Variants in CAMKMT observed in about 807,000 individuals in gnomAD.
The protein encoded by CAMKMT is CaM KMT.
A neutral mutation model predicts 48.0 loss-of-function variants in CAMKMT; 53 were observed. The observed-to-expected ratio is 1.10, with a 90% confidence interval of 0.89 to 1.39. The LOEUF (loss-of-function observed/expected upper bound fraction) is 1.39, where lower values mean the gene tolerates loss of function less well. Among genes scored for constraint, CAMKMT ranks in the 40% most tolerant of loss-of-function variants. CAMKMT has a pLI of 0.00. For missense variants in CAMKMT, 428 were observed against 402.7 expected (o/e 1.06, Z -0.54); for synonymous variants, 165 against 152.3 (o/e 1.08, Z -0.61).
In CAMKMT at chr2:44,528,165, GTC is replaced by G. The variant is rs1320545194; in HGVS notation, c.376+137861_376+137862del. ...TGTCCCTTTCTTTCTTTTGTTGATT[GTC>G]ATAAATATAAGCATTTTTTTTCTTT... is the stretch of plus-strand genomic sequence containing the variant. On this transcript the variant is annotated intron_variant, in intron 3 of 10. Transcript: ENST00000378494. Among the ~76,000 whole-genome samples, 12 of 152,102 alleles carry G rather than the reference GTC, an allele frequency of 7.9e-5. No homozygotes were observed. In the East Asian group the frequency reaches 2.3e-3, roughly 29 times the overall value.
At chr2:44,569,266 A>G (rs980071452) in intron 3 of CAMKMT, among the ~76,000 whole-genome samples, 4 of 152,162 alleles carry the variant, frequency 2.6e-5, no homozygotes, top group South Asian at 2.1e-4. Flanking sequence ...GTTACTTGCA[A>G]TATTTCTGCT....
At chr2:44,577,680 A>AGAGG (rs1669304031) in intron 3 of CAMKMT, among the ~76,000 whole-genome samples, 1 of 148,556 alleles carries the variant, frequency 6.7e-6, no homozygotes, top group Non-Finnish European at 1.5e-5. Flanking sequence ...AGAGGGAGAC[A>AGAGG]GAGAGGGAGA....
intron 3 of CAMKMT, among the ~76,000 whole-genome samples, chr2:44,645,914 G>A (rs1338801497): frequency 2.0e-5 from 3 of 152,184 alleles, no homozygotes; most frequent in Non-Finnish European, 2.9e-5. Flanking sequence ...GTGTCCTACT[G>A]AAGGGCCAGA....
chr2:44,610,256 A>G (rs549212168), intron 3 of CAMKMT, among the ~76,000 whole-genome samples: 1 of 152,326 alleles, frequency 6.6e-6, no homozygotes, highest in South Asian at 2.1e-4. Flanking sequence ...TAGTCTATTA[A>G]TAGTTGAAGA....
intron 3 of CAMKMT, among the ~76,000 whole-genome samples, chr2:44,567,931 G>A (rs1480321184): frequency 6.6e-6 from 1 of 152,096 alleles, no homozygotes; most frequent in Non-Finnish European, 1.5e-5. Flanking sequence ...TGGTGAATGA[G>A]GTAAAATGCT....
chr2:44,671,281 T>C (rs1245218846), intron 3 of CAMKMT, among the ~76,000 whole-genome samples: 1 of 152,198 alleles, frequency 6.6e-6, no homozygotes, highest in Non-Finnish European at 1.5e-5. Context: ...CTGTCATCAG[T>C]TAGTCCCCTA....
intron 3 of CAMKMT, among the ~76,000 whole-genome samples, chr2:44,676,376 A>G (rs1427382459): frequency 6.6e-6 from 1 of 152,146 alleles, no homozygotes; most frequent in Non-Finnish European, 1.5e-5. Context: ...ATTGCTTTCA[A>G]TTCACTATGT....
At chr2:44,416,681 C>T (rs913283411) in intron 3 of CAMKMT, among the ~76,000 whole-genome samples, 3 of 143,040 alleles carry the variant, frequency 2.1e-5, no homozygotes, top group Non-Finnish European at 4.5e-5. Flanking sequence ...TCAAGTGATT[C>T]TCCCTGCCTC....
At chr2:44,607,329 C>G (rs931551374) in intron 3 of CAMKMT, among the ~76,000 whole-genome samples, 3 of 152,122 alleles carry the variant, frequency 2.0e-5, no homozygotes, top group Non-Finnish European at 2.9e-5. Flanking sequence ...AGAGAAATCT[C>G]TGTTTTTCTC....
In CAMKMT at chr2:44,715,363, C is replaced by T; in HGVS notation, c.623+10C>T. 1 of 1,601,300 alleles carries T rather than the reference C, an allele frequency of 6.2e-7. No homozygotes were observed. The highest frequency in any genetic ancestry group is 8.5e-7 in the Non-Finnish European group (1 of 1,172,216). On this transcript the variant is annotated intron_variant, in intron 7 of 10. Coordinates refer to ENST00000378494, the MANE Select transcript of CAMKMT (RefSeq NM_024766.5). ...AGAAAATATCAAGCTGGTAAGATAC[C>T]TTTCTGCATTAAAAAATTCCCATTG...
At chr2:44,663,291 A>G (rs1337861904) in intron 3 of CAMKMT, among the ~76,000 whole-genome samples, 1 of 152,180 alleles carries the variant, frequency 6.6e-6, no homozygotes. Flanking sequence ...TAATTTCTCC[A>G]CCTGAGAAGA....
chr2:44,537,470 AT>A (rs1666838704), intron 3 of CAMKMT, among the ~76,000 whole-genome samples: 3 of 152,204 alleles, frequency 2.0e-5, no homozygotes, highest in Admixed American at 2.0e-4. Context: ...ACAATGAGAT[AT>A]TGTTGTATCT....
intron 3 of CAMKMT, among the ~76,000 whole-genome samples, chr2:44,497,456 A>T (rs1024029101): frequency 6.6e-6 from 1 of 152,134 alleles, no homozygotes; most frequent in Non-Finnish European, 1.5e-5. Flanking sequence ...AATTTTTCTA[A>T]ACATTTTTTA....
chr2:44,488,312 C>G (rs978817641), intron 3 of CAMKMT, among the ~76,000 whole-genome samples: 6 of 152,088 alleles, frequency 3.9e-5, no homozygotes, highest in African/African-American at 1.4e-4. Context: ...ACCAGCCTGA[C>G]CAACATGGTG....
chr2:44,513,959 A>G (rs1482164805), intron 3 of CAMKMT, among the ~76,000 whole-genome samples: 1 of 151,982 alleles, frequency 6.6e-6, no homozygotes, highest in Admixed American at 6.6e-5. Context: ...AAACTTAGCC[A>G]GGCATGGTAG....
intron 3 of CAMKMT, among the ~76,000 whole-genome samples, chr2:44,488,093 G>A (rs896933232): frequency 2.0e-5 from 3 of 152,210 alleles, no homozygotes; most frequent in Non-Finnish European, 4.4e-5. Context: ...AGAACGGCAT[G>A]AAGTATGTGT....
At chr2:44,436,929 C>G (rs1666298662) in intron 3 of CAMKMT, among the ~76,000 whole-genome samples, 1 of 152,050 alleles carries the variant, frequency 6.6e-6, no homozygotes, top group Non-Finnish European at 1.5e-5. Flanking sequence ...AAAGATTCAA[C>G]TTTTTGAAAC....
chr2:44,671,897 G>A (rs1675352165), intron 3 of CAMKMT, among the ~76,000 whole-genome samples: 1 of 152,068 alleles, frequency 6.6e-6, no homozygotes, highest in African/African-American at 2.4e-5. Context: ...GCAGACCCTA[G>A]GACACACTTC....
At chr2:44,410,665 A>C (rs921053646) in intron 3 of CAMKMT, among the ~76,000 whole-genome samples, 1 of 152,144 alleles carries the variant, frequency 6.6e-6, no homozygotes, top group Non-Finnish European at 1.5e-5. Flanking sequence ...GCAATATGTC[A>C]GTTGCCTGTT....
Sources: gnomAD v4.1 joint callset for allele counts (sites outside exome capture counted in the v4.1 genomes callset) on GRCh38, gnomAD v4.1.1 for gene constraint, MANE v1.5 for transcripts, NCBI Gene and HGNC (gene_info 2026-07-23, HGNC 2026-07-21) for gene names.